Variants in NCAM1 observed in about 807,000 individuals in gnomAD.
The protein encoded by NCAM1 is neural cell adhesion molecule 1, also known as antigen recognized by monoclonal antibody 5.1H11.
NCAM1 carries 14 observed loss-of-function variants against 109.8 expected under a neutral mutation model. That is an observed-to-expected ratio of 0.13 (90% confidence interval 0.08 to 0.20). The LOEUF (loss-of-function observed/expected upper bound fraction) is 0.20. Ranked by LOEUF, NCAM1 falls within the 10% of genes least tolerant of loss-of-function variation. The probability of loss-of-function intolerance (pLI) is 1.00; values close to 1 mark genes in which losing one functional copy is unlikely to be tolerated. For missense variants in NCAM1, 774 were observed against 1,109.9 expected, an observed-to-expected ratio of 0.70 and a Z score of 4.30; for synonymous variants, 418 against 442.9, an observed-to-expected ratio of 0.94 and a Z score of 0.70.
At position 113,233,649 on chromosome 11, in the gene NCAM1, T is replaced by C. The variant is rs782563842; in HGVS notation, c.1693+332T>C. ...CAGATGAGTCTAATCCATCCTACTC[T>C]GCACGTTTGAGTTACCTGTGCTGCA... On this transcript the variant is annotated intron_variant, in intron 13 of 19. Coordinates refer to ENST00000316851, the MANE Select transcript of NCAM1 (RefSeq NM_181351.5). The surrounding 1 kb of genome is among the most constrained non-coding windows in gnomAD (Gnocchi z 4.5). Among the ~76,000 whole-genome samples, 36 of 152,242 alleles carry C rather than the reference T, an allele frequency of 2.4e-4. No homozygotes were observed. The highest frequency in any genetic ancestry group is 5.0e-4 in the Non-Finnish European group (34 of 68,046).
At chr11:113,105,995 G>A (rs993997319) in intron 1 of NCAM1, among the ~76,000 whole-genome samples, 18 of 151,748 alleles carry the variant, frequency 1.2e-4, no homozygotes, top group Non-Finnish European at 4.4e-5. Context: ...AAACTAATTA[G>A]TTTTTTGTAT....
Position 113,232,974 on chromosome 11 carries a change from G to A in NCAM1, c.1522+160G>A, listed in dbSNP as rs145434316. ...GGAAGCTGGGAGCCATTGGATCAGC[G>A]CATGGGGCATGTTGGGGGAGAAGCA... On this transcript the variant is annotated intron_variant, in intron 12 of 19. Transcript: ENST00000316851. 4.0e-3 allele frequency among the ~76,000 whole-genome samples: 610 copies of A among 152,320 alleles called. 5 individuals are homozygous for A. Among genetic ancestry groups the A allele is most frequent in the African/African-American group, 0.01 (429 of 41,552 alleles).
chr11:113,231,334 G>C (rs1944999254), intron 9 of NCAM1: 1 of 1,523,916 alleles, frequency 6.6e-7, no homozygotes, highest in African/African-American at 1.4e-5. Flanking sequence ...TTCCATTTTA[G>C]ACATCCCAAA....
At chr11:113,263,275 T>C (rs1565537425) in intron 17 of NCAM1, 4 of 1,022,880 alleles carry the variant, frequency 3.9e-6, no homozygotes, top group Non-Finnish European at 4.7e-6. Context: ...CTAAATATGA[T>C]GTAGCAGAGG....
chr11:113,155,880 G>A (rs782068995), intron 1 of NCAM1, among the ~76,000 whole-genome samples: 1 of 151,934 alleles, frequency 6.6e-6, no homozygotes, highest in Non-Finnish European at 1.5e-5. Flanking sequence ...CCTCCTCTCA[G>A]CCCTCAACTT....
intron 1 of NCAM1, among the ~76,000 whole-genome samples, chr11:113,179,173 C>T (rs1943257123): frequency 6.6e-6 from 1 of 152,160 alleles, no homozygotes; most frequent in Admixed American, 6.5e-5. Flanking sequence ...ACCAGCATGC[C>T]ACTGGGCAGG....
intron 17 of NCAM1, chr11:113,264,834 A>T (rs1292158290): frequency 2.0e-6 from 2 of 985,308 alleles, no homozygotes; most frequent in Non-Finnish European, 2.4e-6. Flanking sequence ...CACGGCTTGT[A>T]ACAGTGCGCT....
At chr11:113,009,473 C>T (rs1043785678) in intron 1 of NCAM1, among the ~76,000 whole-genome samples, 9 of 151,680 alleles carry the variant, frequency 5.9e-5, no homozygotes, top group Non-Finnish European at 1.2e-4. Flanking sequence ...TACAGGTGCC[C>T]ACCACGCCTG....
Position 113,020,462 on chromosome 11 carries a change from A to G in NCAM1, c.52+58798A>G, listed in dbSNP as rs569538828. Reference sequence around the variant, plus strand: ...TCTTAACCGTAGGTCTTGGATATTCACAGACAACGATCTCTTGCATATTAC... The same window carrying G: ...TCTTAACCGTAGGTCTTGGATATTCGCAGACAACGATCTCTTGCATATTAC... On this transcript the variant is annotated intron_variant, in intron 1 of 19. Transcript: ENST00000316851. 5.3e-5 allele frequency among the ~76,000 whole-genome samples: 8 copies of G among 152,286 alleles called. No homozygotes were observed. In the South Asian group the frequency reaches 1.7e-3, roughly 32 times the overall value.
At chr11:113,109,341 C>G (rs1940326062) in intron 1 of NCAM1, among the ~76,000 whole-genome samples, 1 of 134,618 alleles carries the variant, frequency 7.4e-6, no homozygotes, top group Non-Finnish European at 1.5e-5. Context: ...GAGCGAGACT[C>G]TGTCTCAAAA....
At chr11:112,992,275 C>T (rs927676254) in intron 1 of NCAM1, among the ~76,000 whole-genome samples, 1 of 152,140 alleles carries the variant, frequency 6.6e-6, no homozygotes, top group African/African-American at 2.4e-5. Context: ...CACTAGTTCA[C>T]TGATTACTAT....
chr11:113,245,852 AC>A (rs2137440829), intron 14 of NCAM1, among the ~76,000 whole-genome samples: 1 of 152,288 alleles, frequency 6.6e-6, no homozygotes, highest in African/African-American at 2.4e-5. Flanking sequence ...TTCCTTGATG[AC>A]CCATATTCTG....
chr11:113,111,434 A>G (rs1165781654), intron 1 of NCAM1, among the ~76,000 whole-genome samples: 4 of 152,232 alleles, frequency 2.6e-5, no homozygotes, highest in Non-Finnish European at 5.9e-5. Flanking sequence ...TTACTGTCTG[A>G]TTCCGTATGT....
chr11:113,087,650 C>T (rs1383941156), intron 1 of NCAM1, among the ~76,000 whole-genome samples: 3 of 152,144 alleles, frequency 2.0e-5, no homozygotes, highest in African/African-American at 4.8e-5. Flanking sequence ...TTGACAGCCT[C>T]GATAGAGGGT....
chr11:112,977,465 A>G (rs1951036838), intron 1 of NCAM1: 1 of 151,832 alleles, frequency 6.6e-6, no homozygotes, highest in Non-Finnish European at 1.5e-5. Flanking sequence ...AAAAATCACC[A>G]CATTTTCCAA....
chr11:113,228,039 C>T (rs1383843126), intron 9 of NCAM1, among the ~76,000 whole-genome samples: 1 of 152,194 alleles, frequency 6.6e-6, no homozygotes, highest in Non-Finnish European at 1.5e-5. Context: ...GGGATGCCCT[C>T]TCTCACTACT....
intron 1 of NCAM1, among the ~76,000 whole-genome samples, chr11:113,141,791 T>G (rs12284942): frequency 1.3e-3 from 191 of 152,286 alleles, no homozygotes; most frequent in African/African-American, 4.3e-3. Context: ...GCTTTAGTGA[T>G]CTCTCCTCTC....
In NCAM1 at chr11:112,962,548, C is replaced by T. The variant is rs1189953391; in HGVS notation, c.52+884C>T. Among the ~76,000 whole-genome samples the T allele has an allele frequency of 6.6e-6, 1 of 152,092 alleles. No individual in the cohort carries two copies. Among genetic ancestry groups the T allele is most frequent in the Non-Finnish European group, 1.5e-5 (1 of 68,016 alleles). ...CGCCCGAAACACCTCGCCCTGTCTC[C>T]TTTCTTTGGGCGAGGTTCCCGATCC... On this transcript the variant is annotated intron_variant, in intron 1 of 19. Coordinates refer to ENST00000316851, the MANE Select transcript of NCAM1 (RefSeq NM_181351.5). This position sits in a 1 kb window ranked among gnomAD's most constrained non-coding sequence, Gnocchi z 5.6.
intron 1 of NCAM1, among the ~76,000 whole-genome samples, chr11:113,120,755 G>A (rs1434709685): frequency 6.6e-6 from 1 of 152,174 alleles, no homozygotes; most frequent in Non-Finnish European, 1.5e-5. Flanking sequence ...TATGTGCACA[G>A]GAATCATACA....
Sources: gnomAD v4.1 joint callset for allele counts (sites outside exome capture counted in the v4.1 genomes callset) on GRCh38, gnomAD v4.1.1 for gene constraint, Gnocchi (gnomAD v3.1) non-coding constraint, MANE v1.5 for transcripts, NCBI Gene and HGNC (gene_info 2026-07-23, HGNC 2026-07-21) for gene names.